RIT2: variants seen among roughly 807,000 people sequenced by gnomAD.
RIT2 encodes Ras like without CAAX 2.
Under a neutral mutation model 23.7 loss-of-function variants are expected in RIT2, and 24 were observed. The ratio of observed to expected loss-of-function variants is 1.01; its 90% CI spans 0.73 to 1.43. The LOEUF (loss-of-function observed/expected upper bound fraction) is 1.43, where lower values mean the gene tolerates loss of function less well. Among genes scored for constraint, RIT2 ranks in the 40% most tolerant of loss-of-function variants. The pLI, the probability that RIT2 is intolerant of heterozygous loss-of-function variation, is 0.00. For synonymous variants in RIT2, 107 were observed against 91.1 expected (o/e 1.17, Z -0.99); for missense variants, 236 against 266.9 (o/e 0.88, Z 0.81).
At chr18:43,067,851 C>A (rs2144331531) in intron 1 of RIT2, among the ~76,000 whole-genome samples, 1 of 152,196 alleles carries the variant, frequency 6.6e-6, no homozygotes. Flanking sequence ...TTCAGGTTAA[C>A]TTTGGGGTGC....
intron 1 of RIT2, among the ~76,000 whole-genome samples, chr18:43,038,941 G>A (rs1912057911): frequency 1.3e-5 from 2 of 151,974 alleles, no homozygotes; most frequent in South Asian, 2.1e-4. Context: ...GACAGGTGGT[G>A]AGGATCATAG....
At chr18:42,904,015 G>A (rs1247642548) in intron 4 of RIT2, among the ~76,000 whole-genome samples, 1 of 151,922 alleles carries the variant, frequency 6.6e-6, no homozygotes, top group African/African-American at 2.4e-5. Context: ...CAAAATAGCG[G>A]TATAAATTGT....
At chr18:42,913,271 T>C (rs550732277) in intron 4 of RIT2, among the ~76,000 whole-genome samples, 1 of 149,514 alleles carries the variant, frequency 6.7e-6, no homozygotes, top group East Asian at 2.0e-4. Flanking sequence ...AACAAAATGA[T>C]AGAATTTTTA....
intron 1 of RIT2, among the ~76,000 whole-genome samples, chr18:43,101,885 G>A (rs908520337): frequency 6.6e-6 from 1 of 151,958 alleles, no homozygotes; most frequent in Non-Finnish European, 1.5e-5. Flanking sequence ...TCATTAAGAC[G>A]GAGCAAGTAG....
intron 2 of RIT2, among the ~76,000 whole-genome samples, chr18:43,014,988 T>C (rs1911439340): frequency 6.6e-6 from 1 of 151,688 alleles, no homozygotes. Context: ...TATATATGTA[T>C]TACAAAATGA....
intron 3 of RIT2, among the ~76,000 whole-genome samples, chr18:42,948,504 G>A (rs1344305013): frequency 1.3e-5 from 2 of 151,970 alleles, no homozygotes; most frequent in African/African-American, 4.8e-5. Context: ...ACATCAGATG[G>A]GATGACAAGA....
At chr18:43,040,976 TA>T (rs1457795141) in intron 1 of RIT2, among the ~76,000 whole-genome samples, 1 of 152,138 alleles carries the variant, frequency 6.6e-6, no homozygotes, top group East Asian at 1.9e-4. Flanking sequence ...ACCATACTTT[TA>T]AAAATTTTTG....
intron 1 of RIT2, among the ~76,000 whole-genome samples, chr18:43,071,656 C>A (rs1219099349): frequency 6.6e-6 from 1 of 152,118 alleles, no homozygotes; most frequent in Non-Finnish European, 1.5e-5. Context: ...ATTTTCTCTT[C>A]TGAGATCTTA....
intron 4 of RIT2, among the ~76,000 whole-genome samples, chr18:42,823,943 G>A (rs73951762): frequency 0.017 from 2,655 of 152,034 alleles, 100 homozygotes; most frequent in African/African-American, 0.06. Context: ...ACTATTATCA[G>A]GAAACACTCT....
intron 3 of RIT2, among the ~76,000 whole-genome samples, chr18:42,931,719 A>T (rs1909330634): frequency 6.6e-6 from 1 of 152,164 alleles, no homozygotes; most frequent in Admixed American, 6.6e-5. Flanking sequence ...TAAAACCTAC[A>T]GGAATGTGTC....
intron 4 of RIT2, among the ~76,000 whole-genome samples, chr18:42,916,110 C>A (rs779547064): frequency 6.6e-6 from 1 of 151,992 alleles, no homozygotes; most frequent in African/African-American, 2.4e-5. Flanking sequence ...AATCACCCAG[C>A]TAATTTGTTA....
intron 4 of RIT2, among the ~76,000 whole-genome samples, chr18:42,905,246 T>C (rs1390357950): frequency 6.6e-6 from 1 of 152,126 alleles, no homozygotes; most frequent in East Asian, 1.9e-4. Context: ...TATTGTATGG[T>C]CGTTTAATAA....
chr18:42,776,305 G>C lies in RIT2; in HGVS notation c.427-32585C>G, dbSNP rs189181642. Among the ~76,000 whole-genome samples the C allele has an allele frequency of 1.4e-3, 209 of 152,228 alleles. 1 individual carries two copies. The highest frequency in any genetic ancestry group is 4.8e-3 in the African/African-American group (200 of 41,544). On this transcript the variant is annotated intron_variant, in intron 4 of 4. Transcript: ENST00000326695. ...TTTATTCTTTCAGCAATTACTAACT[G>C]ATGCCTGACACCTGTTAAACCTGTA...
chr18:42,993,375 G>A (rs1910901337), intron 2 of RIT2, among the ~76,000 whole-genome samples: 1 of 152,138 alleles, frequency 6.6e-6, no homozygotes, highest in Admixed American at 6.5e-5. Flanking sequence ...TGCCTCGGAA[G>A]CCCCCTAAAC....
intron 4 of RIT2, among the ~76,000 whole-genome samples, chr18:42,772,603 A>G (rs1321928661): frequency 6.6e-6 from 1 of 152,162 alleles, no homozygotes; most frequent in African/African-American, 2.4e-5. Context: ...TTCTTGAGCA[A>G]TTAGGATGCT....
intron 4 of RIT2, among the ~76,000 whole-genome samples, chr18:42,895,137 T>C (rs1598704288): frequency 6.6e-6 from 1 of 152,224 alleles, no homozygotes; most frequent in Non-Finnish European, 1.5e-5. Context: ...ATATAAGATA[T>C]GAATTGGAAA....
chr18:42,780,330 C>G (rs1913781895), intron 4 of RIT2, among the ~76,000 whole-genome samples: 2 of 151,896 alleles, frequency 1.3e-5, no homozygotes, highest in South Asian at 4.2e-4. Flanking sequence ...TAAGCTCTGC[C>G]TGAAGACTTC....
chr18:42,886,660 T>C (rs955474526), intron 4 of RIT2, among the ~76,000 whole-genome samples: 8 of 152,210 alleles, frequency 5.3e-5, no homozygotes, highest in Non-Finnish European at 8.8e-5. Context: ...GCAGATTATT[T>C]TGTAGCACAT....
intron 1 of RIT2, among the ~76,000 whole-genome samples, chr18:43,105,273 T>C (rs1913785936): frequency 6.6e-6 from 1 of 152,110 alleles, no homozygotes; most frequent in Non-Finnish European, 1.5e-5. Context: ...AACTAATCAA[T>C]ATAAGGATCT....
Sources: allele counts gnomAD v4.1 joint callset (sites outside exome capture counted in the v4.1 genomes callset), GRCh38; gene constraint gnomAD v4.1.1; transcripts MANE v1.5; gene names NCBI Gene and HGNC (gene_info 2026-07-23, HGNC 2026-07-21).